LYPD1: variants seen among roughly 807,000 people sequenced by gnomAD.
LYPD1 encodes the protein ly6/PLAUR domain-containing protein 1.
In LYPD1, 14 loss-of-function variants were observed where a neutral mutation model predicts 14.2. The ratio of observed to expected loss-of-function variants is 0.99; its 90% CI spans 0.65 to 1.54. LYPD1 has a LOEUF of 1.54. Ranked by LOEUF, LYPD1 falls within the 40% of genes most tolerant of loss-of-function variation. The pLI is 0.00. For synonymous variants in LYPD1, 85 were observed against 70.6 expected (o/e 1.20, Z -1.02); for missense variants, 165 against 175.7 (o/e 0.94, Z 0.34).
Position 132,646,108 on chromosome 2 carries a change from G to GAGGGCCGA in LYPD1, c.355_362dup (p.Gly124SerfsTer14). On this transcript the variant is annotated frameshift_variant, in exon 3 of 3. Transcript: ENST00000397463. LOFTEE classifies it high-confidence loss of function. The stretch of plus-strand genomic sequence containing the variant: ...GGATGGTGGTGCGGAGCCCTGGCCT[G>GAGGGCCGA]AGGGCCGAGGCAGAACTTCCCCTTT... 1.9e-6 allele frequency: 3 copies of GAGGGCCGA among 1,608,458 alleles called. No homozygotes were observed. The highest frequency in any genetic ancestry group is 2.5e-6 in the Non-Finnish European group (3 of 1,176,966).
chr2:132,663,767 TAGG>T (rs1159441202), intron 2 of LYPD1, among the ~76,000 whole-genome samples: 1 of 151,966 alleles, frequency 6.6e-6, no homozygotes, highest in South Asian at 2.1e-4. Flanking sequence ...AGAGGCCTGG[TAGG>T]AGGAGGAGAG....
At chr2:132,647,715 G>A (rs1171021587) in intron 2 of LYPD1, among the ~76,000 whole-genome samples, 1 of 152,170 alleles carries the variant, frequency 6.6e-6, no homozygotes, top group African/African-American at 2.4e-5. Flanking sequence ...GAATTAACAG[G>A]TCTTAATCCT....
intron 2 of LYPD1, among the ~76,000 whole-genome samples, chr2:132,651,092 T>C (rs953932953): frequency 2.0e-5 from 3 of 152,142 alleles, no homozygotes; most frequent in African/African-American, 7.2e-5. Context: ...AAAGAGATAA[T>C]ATTGGTTGTC....
intron 2 of LYPD1, chr2:132,666,998 T>C (rs148856485): frequency 2.6e-4 from 39 of 152,312 alleles, no homozygotes; most frequent in African/African-American, 8.9e-4. Flanking sequence ...TAATTCTGAC[T>C]AAAATCACAG....
upstream of LYPD1, among the ~76,000 whole-genome samples, chr2:132,670,662 G>A (rs1037228041): frequency 6.6e-6 from 1 of 152,144 alleles, no homozygotes; most frequent in Non-Finnish European, 1.5e-5. The surrounding 1 kb of genome is among the most constrained non-coding windows in gnomAD (Gnocchi z 4.5). Context: ...TGGCGCCCCG[G>A]GAGGCTGACA....
chr2:132,651,425 T>C (rs960980100), intron 2 of LYPD1, among the ~76,000 whole-genome samples: 23 of 152,088 alleles, frequency 1.5e-4, no homozygotes, highest in Non-Finnish European at 3.4e-4. Context: ...CAGGACCCCA[T>C]AAGCTCAGGT....
intron 2 of LYPD1, among the ~76,000 whole-genome samples, chr2:132,650,842 ATCC>A: frequency 6.6e-6 from 1 of 152,180 alleles, no homozygotes; most frequent in Non-Finnish European, 1.5e-5. Context: ...TCTAGCAATA[ATCC>A]TCATTTTGCA....
chr2:132,651,910 T>G (rs1682375859), intron 2 of LYPD1, among the ~76,000 whole-genome samples: 1 of 152,184 alleles, frequency 6.6e-6, no homozygotes, highest in Non-Finnish European at 1.5e-5. Flanking sequence ...CACAACACGA[T>G]GAGGCATCTC....
intron 2 of LYPD1, among the ~76,000 whole-genome samples, chr2:132,657,098 T>C (rs960977792): frequency 1.3e-5 from 2 of 152,236 alleles, no homozygotes; most frequent in East Asian, 1.9e-4. Flanking sequence ...ATTACCCTTT[T>C]CAAAGATTTT....
chr2:132,652,746 C>G (rs1324250304), intron 2 of LYPD1, among the ~76,000 whole-genome samples: 1 of 152,208 alleles, frequency 6.6e-6, no homozygotes, highest in African/African-American at 2.4e-5. Flanking sequence ...GCGTTTAAAA[C>G]TTTAATCCTC....
intron 2 of LYPD1, among the ~76,000 whole-genome samples, chr2:132,655,513 C>CTTTTTTTT (rs1558879316): frequency 5.1e-4 from 31 of 60,930 alleles, no homozygotes; most frequent in East Asian, 1.5e-3. Context: ...GGTTGAGAAG[C>CTTTTTTTT]ATTTTTTTTT....
rs745908939 is a variant in LYPD1, at chr2:132,646,239, G to C, written c.232C>G (p.Leu78Val). 6.3e-7 allele frequency: 1 copy of C among 1,583,532 alleles called. No homozygotes were observed. The change falls in exon 3 of 3, where the codon CTC becomes GTC. Residue 78 changes from leucine (L) to valine (V), a missense_variant. Physicochemically the swap from Leu to Val is conservative, Grantham distance 32. Transcript: ENST00000397463. ...GACTGGTACCCGGCAGAGGCGATGAGACAGGCCGCTGATGATGCACAGGAC... is the reference window on the plus strand; with the variant it reads ...GACTGGTACCCGGCAGAGGCGATGACACAGGCCGCTGATGATGCACAGGAC... ...RKSCASSAAC[L>V]IASAGYQSFC... is the part of the protein sequence containing the mutation.
intron 2 of LYPD1, among the ~76,000 whole-genome samples, chr2:132,648,659 T>G (rs1463385661): frequency 6.6e-6 from 1 of 152,232 alleles, no homozygotes; most frequent in Non-Finnish European, 1.5e-5. Context: ...TCTTTACAAC[T>G]GCTAAGACCC....
chr2:132,662,887 C>G (rs967792878), intron 2 of LYPD1: 7 of 152,198 alleles, frequency 4.6e-5, no homozygotes, highest in African/African-American at 1.4e-4. Context: ...AATGTTTCAT[C>G]TATGGAGATG....
intron 2 of LYPD1, among the ~76,000 whole-genome samples, chr2:132,648,367 C>T (rs994295246): frequency 6.6e-6 from 1 of 152,222 alleles, no homozygotes; most frequent in African/African-American, 2.4e-5. Flanking sequence ...GGCCCTCCGC[C>T]GTGTTCCCCT....
At chr2:132,650,268 T>G (rs1485842773) in intron 2 of LYPD1, among the ~76,000 whole-genome samples, 1 of 152,022 alleles carries the variant, frequency 6.6e-6, no homozygotes, top group African/African-American at 2.4e-5. Flanking sequence ...TGAGATGCCA[T>G]TATTATTTAT....
At chr2:132,650,226 TATC>T (rs1432332509) in intron 2 of LYPD1, among the ~76,000 whole-genome samples, 1 of 152,298 alleles carries the variant, frequency 6.6e-6, no homozygotes, top group East Asian at 1.9e-4. Context: ...TACTCTCTCA[TATC>T]ATAAGAAGAA....
At chr2:132,659,196 C>T (rs576135165) in intron 2 of LYPD1, among the ~76,000 whole-genome samples, 153 of 152,288 alleles carry the variant, frequency 1.0e-3, no homozygotes, top group Middle Eastern at 3.4e-3. Flanking sequence ...CATTTAAGCT[C>T]CTTCATTTCT....
intron 2 of LYPD1, among the ~76,000 whole-genome samples, chr2:132,664,297 A>T (rs773225109): frequency 2.0e-5 from 3 of 152,214 alleles, no homozygotes; most frequent in Non-Finnish European, 2.9e-5. Flanking sequence ...ACTTCTTTCT[A>T]CTAAGAGTGG....
Sources: gnomAD v4.1 joint callset for allele counts (sites outside exome capture counted in the v4.1 genomes callset) on GRCh38, gnomAD v4.1.1 for gene constraint, Gnocchi (gnomAD v3.1) non-coding constraint, MANE v1.5 for transcripts, NCBI Gene and HGNC (gene_info 2026-07-23, HGNC 2026-07-21) for gene names.